STK26: variants seen among roughly 807,000 people sequenced by gnomAD.
STK26 encodes the protein serine/threonine kinase 26.
STK26 carries 14 observed loss-of-function variants against 34.7 expected under a neutral mutation model. That is an observed-to-expected ratio of 0.40 (90% CI 0.27 to 0.63). The LOEUF (loss-of-function observed/expected upper bound fraction) is 0.63, where lower values mean the gene tolerates loss of function less well. Ranked by LOEUF, STK26 falls within the 30% of genes least tolerant of loss-of-function variation. The pLI is 0.38. For synonymous variants in STK26, 100 were observed against 109.8 expected (o/e 0.91, Z 0.56); for missense variants, 226 against 309.1 (o/e 0.73, Z 2.02).
At chrX:132,035,731 G>A (rs1305023771) in intron 2 of STK26, among the ~76,000 whole-genome samples, 5 of 107,772 alleles carry the variant, frequency 4.6e-5, no homozygotes, top group African/African-American at 1.7e-4. Flanking sequence ...ATGCCAGTAA[G>A]TGGCAATATT....
chrX:132,046,345 T>C (rs772390367), intron 2 of STK26, among the ~76,000 whole-genome samples: 6 of 111,757 alleles, frequency 5.4e-5, no homozygotes, highest in Admixed American at 4.8e-4. Flanking sequence ...CTTTTGTTCT[T>C]AAAGATGAAT....
chrX:132,049,051 TCA>T (rs1926598041), intron 2 of STK26, among the ~76,000 whole-genome samples: 2 of 112,194 alleles, frequency 1.8e-5, no homozygotes, highest in Admixed American at 1.9e-4. Context: ...TGATCATGGC[TCA>T]CTGTAGCCTC....
chrX:132,068,882 A>C (rs920354821), intron 6 of STK26, among the ~76,000 whole-genome samples: 8 of 110,814 alleles, frequency 7.2e-5, no homozygotes, highest in African/African-American at 2.6e-4. Context: ...TAGATTATTC[A>C]TCCACAGTGG....
intron 2 of STK26, among the ~76,000 whole-genome samples, chrX:132,031,603 C>T (rs1207500335): frequency 8.9e-6 from 1 of 112,010 alleles, no homozygotes; most frequent in African/African-American, 3.3e-5. Context: ...CCAGTTCCGT[C>T]CATGTTGCTG....
intron 2 of STK26, among the ~76,000 whole-genome samples, chrX:132,047,893 A>G (rs1926553920): frequency 9.0e-6 from 1 of 111,702 alleles, no homozygotes; most frequent in Non-Finnish European, 1.9e-5. Context: ...TATATTCCAC[A>G]TGTGAGTGAG....
chrX:132,068,311 C>T lies in STK26; in HGVS notation c.427C>T (p.Arg143Ter), dbSNP rs369853762. The T allele has an allele frequency of 1.7e-6, 2 of 1,198,446 alleles. No individual in the cohort carries two copies. Among genetic ancestry groups the T allele is most frequent in the African/African-American group, 1.8e-5 (1 of 56,125 alleles). The change falls in exon 5 of 12, where the codon CGA (arginine) becomes TGA (stop). Residue 143 changes from arginine to a stop codon, truncating the protein, a stop_gained. Coordinates refer to ENST00000394334, the MANE Select transcript of STK26 (RefSeq NM_016542.4). LOFTEE classifies it high-confidence loss of function. ...TCTGCATTCAGAAAAGAAAATTCAC[C>T]GAGACATAAAAGGTATACAAAAGTC... ...DYLHSEKKIHRDIKAANVLLS... is the reference protein window; with the variant it reads ...DYLHSEKKIH
intron 2 of STK26, among the ~76,000 whole-genome samples, chrX:132,028,837 T>C (rs1925715925): frequency 8.9e-6 from 1 of 111,832 alleles, no homozygotes; most frequent in Non-Finnish European, 1.9e-5. Context: ...TTCAGGTTGG[T>C]ACCAGAGTCC....
chrX:132,063,317 A>G, intron 3 of STK26, 116 bp from the exon 4 acceptor site: 2 of 650,094 alleles, frequency 3.1e-6, no homozygotes, highest in South Asian at 6.9e-5. Context: ...AGCTCCCACA[A>G]ATAAATGAGA....
intron 3 of STK26, among the ~76,000 whole-genome samples, chrX:132,059,657 A>T (rs776415696): frequency 9.0e-6 from 1 of 111,670 alleles, no homozygotes; most frequent in South Asian, 3.7e-4. Flanking sequence ...GTTCAGTGTA[A>T]ATCTTAAAAT....
intron 6 of STK26, among the ~76,000 whole-genome samples, chrX:132,069,013 G>A (rs1377672142): frequency 1.8e-5 from 2 of 110,130 alleles, no homozygotes; most frequent in African/African-American, 3.3e-5. Context: ...TATCACCTAC[G>A]CAGGGAAGTC....
At chrX:132,049,452 TA>T (rs1409061703) in intron 2 of STK26, among the ~76,000 whole-genome samples, 1 of 112,543 alleles carries the variant, frequency 8.9e-6, no homozygotes, top group Non-Finnish European at 1.9e-5. Context: ...GACTTTTATT[TA>T]TATGCATTCT....
chrX:132,054,651 A>G lies in STK26; in HGVS notation c.63A>G (p.Glu21=), dbSNP rs146889914. 17 of 1,209,384 alleles carry G rather than the reference A, an allele frequency of 1.4e-5. No homozygotes were observed. The East Asian group carries it at 5.0e-4, about 36-fold the overall frequency. ...TTCAGAATAACATAGCTGATCCAGA[A>G]GAACTGTTCACAAAATTAGAGCGCA... ...PGMQNNIADP[E]ELFTKLERIG... The change falls in exon 3 of 12, where the codon GAA becomes GAG. Residue 21 remains glutamate, a synonymous_variant. Coordinates refer to ENST00000394334, the MANE Select transcript of STK26 (RefSeq NM_016542.4).
chrX:132,055,968 T>A (rs1030044371), intron 3 of STK26, among the ~76,000 whole-genome samples: 37 of 112,648 alleles, frequency 3.3e-4, no homozygotes, highest in African/African-American at 1.2e-3. Flanking sequence ...TTCATTTCAT[T>A]CATTGTATTT....
intron 3 of STK26, among the ~76,000 whole-genome samples, chrX:132,059,069 G>A (rs1926960866): frequency 9.0e-6 from 1 of 111,547 alleles, no homozygotes; most frequent in Admixed American, 9.5e-5. Context: ...GACTGTGTGG[G>A]TTTGTATTTT....
At position 132,073,004 on chromosome X, in the gene STK26, A is replaced by T; in HGVS notation, c.1137A>T (p.Glu379Asp). ...ENNASRNQAIEELEKSIAVAE... is the reference protein window; with the variant it reads ...ENNASRNQAIDELEKSIAVAE... ...ACGCTAGCAGGAATCAGGCGATTGA[A>T]GAACTCGAGAAAAGTATTGCTGTGG... Residue 379 changes from glutamate to aspartate, a missense_variant, in exon 11 of 12, where the codon GAA (glutamate) becomes GAT (aspartate). By Grantham distance (45) the Glu-to-Asp change is conservative. Transcript: ENST00000394334. 1 of 1,211,067 alleles carries T rather than the reference A, an allele frequency of 8.3e-7. No homozygotes were observed. The highest frequency in any genetic ancestry group is 1.7e-5 in the African/African-American group (1 of 57,954).
At chrX:132,035,876 CT>C (rs1309342589) in intron 2 of STK26, among the ~76,000 whole-genome samples, 6 of 100,717 alleles carry the variant, frequency 6.0e-5, no homozygotes, top group Non-Finnish European at 8.2e-5. Context: ...CACACACACA[CT>C]CATTCACAGT....
At chrX:132,041,720 T>A (rs1014124053) in intron 2 of STK26, among the ~76,000 whole-genome samples, 21 of 110,880 alleles carry the variant, frequency 1.9e-4, no homozygotes, top group African/African-American at 6.9e-4. Flanking sequence ...CATTTTTAAG[T>A]TCCTAAACAG....
intron 11 of STK26, among the ~76,000 whole-genome samples, chrX:132,073,666 T>C (rs912838823): frequency 2.7e-5 from 3 of 112,494 alleles, no homozygotes; most frequent in South Asian, 3.7e-4. Context: ...AACAAGACTT[T>C]TGTATGCATG....
At chrX:132,045,333 A>C (rs1170728779) in intron 2 of STK26, among the ~76,000 whole-genome samples, 1 of 111,778 alleles carries the variant, frequency 8.9e-6, no homozygotes, top group Non-Finnish European at 1.9e-5. Context: ...ACCAGTACCA[A>C]TGAATCCATT....
Sources: gnomAD v4.1 joint callset for allele counts (sites outside exome capture counted in the v4.1 genomes callset) on GRCh38, gnomAD v4.1.1 for gene constraint, MANE v1.5 for transcripts, NCBI Gene and HGNC (gene_info 2026-07-23, HGNC 2026-07-21) for gene names.